Variants in UNC13C observed in about 807,000 individuals in gnomAD.
UNC13C encodes the protein protein unc-13 homolog C.
UNC13C carries 174 observed loss-of-function variants against 245.4 expected under a neutral mutation model. The observed-to-expected ratio is 0.71, with a 90% confidence interval of 0.63 to 0.80. The LOEUF (loss-of-function observed/expected upper bound fraction) is 0.80. Among genes scored for constraint, UNC13C ranks in the 30% least tolerant of loss-of-function variants. UNC13C has a pLI of 0.00. For missense variants in UNC13C, 2,829 were observed against 2,602.9 expected, an observed-to-expected ratio of 1.09 and a Z score of -1.89; for synonymous variants, 992 against 895.1, an observed-to-expected ratio of 1.11 and a Z score of -1.93.
intron 19 of UNC13C, among the ~76,000 whole-genome samples, chr15:54,461,963 T>C (rs1300834339): frequency 6.6e-6 from 1 of 152,080 alleles, no homozygotes; most frequent in Non-Finnish European, 1.5e-5. Flanking sequence ...GTACTGGTCT[T>C]ACCTTCAAGT....
chr15:53,980,928 A>G (rs886970685), intron 1 of UNC13C, among the ~76,000 whole-genome samples: 54 of 152,296 alleles, frequency 3.5e-4, no homozygotes, highest in African/African-American at 1.3e-3. Context: ...CTAGTTGCTT[A>G]AGAGCCCATG....
the UNC13C span, among the ~76,000 whole-genome samples, chr15:53,897,103 T>A: frequency 6.6e-6 from 1 of 152,204 alleles, no homozygotes; most frequent in Non-Finnish European, 1.5e-5. Context: ...TAATACCTTA[T>A]CCAACAGTGA....
At chr15:54,218,922 C>T (rs781589943) in intron 4 of UNC13C, among the ~76,000 whole-genome samples, 1 of 151,998 alleles carries the variant, frequency 6.6e-6, no homozygotes, top group Non-Finnish European at 1.5e-5. Flanking sequence ...AGGAGAACTA[C>T]AAACCACTGC....
intron 1 of UNC13C, among the ~76,000 whole-genome samples, chr15:53,981,885 T>C (rs145403106): frequency 6.6e-6 from 1 of 152,300 alleles, no homozygotes; most frequent in East Asian, 1.9e-4. Flanking sequence ...GCAGTAGGCA[T>C]AAATGTTTCC....
intron 24 of UNC13C, among the ~76,000 whole-genome samples, chr15:54,521,014 T>C (rs1394054549): frequency 6.6e-6 from 1 of 152,070 alleles, no homozygotes; most frequent in African/African-American, 2.4e-5. Context: ...ATTTATAGGA[T>C]GGGGTAATAA....
At chr15:54,353,158 A>G (rs1244044032) in intron 17 of UNC13C, among the ~76,000 whole-genome samples, 1 of 152,212 alleles carries the variant, frequency 6.6e-6, no homozygotes, top group Admixed American at 6.5e-5. Context: ...TCAGTGAACA[A>G]GACAAACACA....
intron 2 of UNC13C, among the ~76,000 whole-genome samples, chr15:54,127,778 T>G (rs1038818045): frequency 6.9e-5 from 10 of 144,996 alleles, no homozygotes; most frequent in Admixed American, 5.0e-4. Flanking sequence ...TATAAAATAA[T>G]ATATTTAATA....
At chr15:54,236,030 A>AC (rs963270351) in intron 5 of UNC13C, among the ~76,000 whole-genome samples, 5 of 151,598 alleles carry the variant, frequency 3.3e-5, no homozygotes, top group Non-Finnish European at 7.4e-5. Flanking sequence ...AAAAAAAAAA[A>AC]ATCATCGTGA....
chr15:54,625,903 C>T (rs1046156723), intron 32 of UNC13C, among the ~76,000 whole-genome samples: 1 of 152,114 alleles, frequency 6.6e-6, no homozygotes, highest in East Asian at 1.9e-4. Flanking sequence ...TGATTCCCAT[C>T]ATATTTTGCT....
chr15:54,447,415 G>T (rs1441479236), intron 19 of UNC13C, among the ~76,000 whole-genome samples: 1 of 152,080 alleles, frequency 6.6e-6, no homozygotes, highest in South Asian at 2.1e-4. Context: ...AATTTTTTTG[G>T]TTGGTAGGCT....
At chr15:54,412,104 G>T (rs147695044) in intron 18 of UNC13C, among the ~76,000 whole-genome samples, 1 of 151,994 alleles carries the variant, frequency 6.6e-6, no homozygotes, top group Admixed American at 6.6e-5. Flanking sequence ...TACTCGGGAG[G>T]CTGAGGCAAG....
intron 2 of UNC13C, among the ~76,000 whole-genome samples, chr15:54,055,137 T>C (rs1436148880): frequency 6.6e-6 from 1 of 152,226 alleles, no homozygotes; most frequent in African/African-American, 2.4e-5. Flanking sequence ...TAGATAAAAC[T>C]TATTAACATG....
Position 54,561,347 on chromosome 15 carries a change from G to C in UNC13C, c.5958+5835G>C, listed in dbSNP as rs571440924. 3.3e-5 allele frequency among the ~76,000 whole-genome samples: 5 copies of C among 152,120 alleles called. No individual in the cohort carries two copies. In the South Asian group the frequency reaches 6.2e-4, roughly 19 times the overall value. ...GGAACAGGTGATCCAAATACTAATT[G>C]AGGGAAACAGATTAAAAATATCATA... On this transcript the variant is annotated intron_variant, in intron 29 of 32. Coordinates refer to ENST00000260323, the MANE Select transcript of UNC13C (RefSeq NM_001080534.3).
At chr15:54,522,262 G>A (rs929562405) in intron 24 of UNC13C, among the ~76,000 whole-genome samples, 7 of 151,736 alleles carry the variant, frequency 4.6e-5, no homozygotes, top group Non-Finnish European at 8.8e-5. Context: ...CCTGAGGTCA[G>A]GAGTTCAAGA....
intron 30 of UNC13C, among the ~76,000 whole-genome samples, chr15:54,589,289 CTTTTTTTTTT>C (rs71105821): frequency 0.026 from 1,394 of 53,508 alleles, 34 homozygotes; most frequent in South Asian, 0.14. Context: ...TCTTCTTCTT[CTTTTTTTTTT>C]TTTTTTTTTT....
chr15:54,546,590 T>G, intron 26 of UNC13C, 132 bp from the exon 27 acceptor site: 1 of 475,782 alleles, frequency 2.1e-6, no homozygotes, highest in South Asian at 6.7e-5. Flanking sequence ...AATCATGAAA[T>G]AGTTTTTTGA....
At chr15:54,045,866 A>G (rs1254694682) in intron 2 of UNC13C, among the ~76,000 whole-genome samples, 1 of 152,154 alleles carries the variant, frequency 6.6e-6, no homozygotes, top group Non-Finnish European at 1.5e-5. Context: ...TGGTTTTTCT[A>G]ATTCTATCAG....
intron 30 of UNC13C, among the ~76,000 whole-genome samples, chr15:54,588,142 C>T (rs1283373383): frequency 6.6e-6 from 1 of 152,180 alleles, no homozygotes; most frequent in African/African-American, 2.4e-5. Context: ...CATGGTGAAG[C>T]TCTTTGTTAA....
At chr15:53,847,319 G>A in the UNC13C span, among the ~76,000 whole-genome samples, 1 of 151,556 alleles carries the variant, frequency 6.6e-6, no homozygotes, top group African/African-American at 2.4e-5. Context: ...AAAGAGAAAG[G>A]TTATAGAGTA....
Sources: gnomAD v4.1 joint callset for allele counts (sites outside exome capture counted in the v4.1 genomes callset) on GRCh38, gnomAD v4.1.1 for gene constraint, MANE v1.5 for transcripts, NCBI Gene and HGNC (gene_info 2026-07-23, HGNC 2026-07-21) for gene names.